Variants in SLC25A21 observed in about 807,000 individuals in gnomAD.
The protein encoded by SLC25A21 is solute carrier family 25 member 21, also known as mitochondrial 2-oxodicarboxylate carrier.
A neutral mutation model predicts 43.8 loss-of-function variants in SLC25A21; 47 were observed. That is an observed-to-expected ratio of 1.07 (90% CI 0.85 to 1.37). The LOEUF (loss-of-function observed/expected upper bound fraction) is 1.37. Among genes scored for constraint, SLC25A21 ranks in the 40% most tolerant of loss-of-function variants. SLC25A21 has a pLI of 0.00. For missense variants in SLC25A21, 352 were observed against 350.2 expected (o/e 1.00, Z -0.04); for synonymous variants, 131 against 121.3 (o/e 1.08, Z -0.52).
chr14:36,723,187 A>G (rs1313758784), intron 6 of SLC25A21, among the ~76,000 whole-genome samples: 2 of 152,224 alleles, frequency 1.3e-5, no homozygotes, highest in African/African-American at 2.4e-5. Flanking sequence ...CGAATGTTCT[A>G]TTCTTATCAC....
chr14:37,086,284 C>T (rs1962485370), intron 1 of SLC25A21, among the ~76,000 whole-genome samples: 1 of 151,936 alleles, frequency 6.6e-6, no homozygotes, highest in South Asian at 2.1e-4. Flanking sequence ...AGGTCAAATC[C>T]CATTCCCTCC....
chr14:36,790,733 T>C (rs918294710), intron 3 of SLC25A21, among the ~76,000 whole-genome samples: 2 of 152,158 alleles, frequency 1.3e-5, no homozygotes, highest in Non-Finnish European at 1.5e-5. Context: ...GATGAAAGGT[T>C]AGCTGGCACA....
chr14:36,862,382 G>A (rs1030811178), intron 2 of SLC25A21, among the ~76,000 whole-genome samples: 2 of 152,170 alleles, frequency 1.3e-5, no homozygotes, highest in South Asian at 2.1e-4. Flanking sequence ...ATGACAGACT[G>A]GATTAAGCAA....
At chr14:37,018,079 T>TA (rs1262210267) in intron 1 of SLC25A21, among the ~76,000 whole-genome samples, 13 of 150,992 alleles carry the variant, frequency 8.6e-5, no homozygotes, top group East Asian at 1.9e-4. Context: ...TCACTCAACT[T>TA]AAAAAAAAAG....
At chr14:36,811,065 C>T (rs1888245482) in intron 3 of SLC25A21, among the ~76,000 whole-genome samples, 1 of 148,576 alleles carries the variant, frequency 6.7e-6, no homozygotes, top group Non-Finnish European at 1.5e-5. Context: ...CATGGAAAAG[C>T]CCTGAGCATG....
chr14:36,875,982 C>A (rs1449628595), intron 1 of SLC25A21, among the ~76,000 whole-genome samples: 2 of 152,124 alleles, frequency 1.3e-5, no homozygotes, highest in African/African-American at 4.8e-5. Flanking sequence ...ATTTAACATA[C>A]ACGGTCACTG....
intron 1 of SLC25A21, among the ~76,000 whole-genome samples, chr14:37,068,372 G>A (rs1962102184): frequency 2.0e-5 from 3 of 152,192 alleles, no homozygotes; most frequent in African/African-American, 7.2e-5. Context: ...TTCTCTGTGG[G>A]TCAGAGGAAA....
intron 1 of SLC25A21, among the ~76,000 whole-genome samples, chr14:37,065,553 C>A (rs1326507455): frequency 6.6e-6 from 1 of 152,070 alleles, no homozygotes; most frequent in Non-Finnish European, 1.5e-5. Flanking sequence ...AGGGTTACAC[C>A]CTCAGGGAAA....
At chr14:37,170,194 C>T (rs746487649) in intron 1 of SLC25A21, among the ~76,000 whole-genome samples, 2 of 151,202 alleles carry the variant, frequency 1.3e-5, no homozygotes, top group Non-Finnish European at 3.0e-5. Flanking sequence ...CACCACCAAG[C>T]CCAGCTGATT....
At chr14:37,157,225 G>A (rs774419921) in intron 1 of SLC25A21, among the ~76,000 whole-genome samples, 1 of 152,066 alleles carries the variant, frequency 6.6e-6, no homozygotes, top group Non-Finnish European at 1.5e-5. Context: ...ACTGGGCATG[G>A]TGGTGCATGC....
At chr14:36,836,291 T>C (rs1438502312) in intron 2 of SLC25A21, among the ~76,000 whole-genome samples, 1 of 152,226 alleles carries the variant, frequency 6.6e-6, no homozygotes, top group African/African-American at 2.4e-5. Flanking sequence ...CAGGAAATCA[T>C]TGGCATTTGC....
At chr14:36,716,964 C>T (rs183455116) in intron 6 of SLC25A21, among the ~76,000 whole-genome samples, 9 of 152,286 alleles carry the variant, frequency 5.9e-5, no homozygotes, top group East Asian at 3.9e-4. Context: ...CAATGGAATA[C>T]GGGTGTTGTA....
chr14:36,862,605 T>G lies in SLC25A21; in HGVS notation c.119+12351A>C, dbSNP rs189428481. 3.1e-3 allele frequency among the ~76,000 whole-genome samples: 469 copies of G among 149,770 alleles called. 1 individual carries two copies. Among genetic ancestry groups the G allele is most frequent in the African/African-American group, 0.011 (454 of 40,974 alleles). On this transcript the variant is annotated intron_variant, in intron 2 of 9. Coordinates refer to ENST00000331299, the MANE Select transcript of SLC25A21 (RefSeq NM_030631.4). Reference sequence around the variant, plus strand: ...AGGGGAACAACACACACTGGGGCCTTTCAGGGGCTGTGGGGCTAGGGGAGG... The same window carrying G: ...AGGGGAACAACACACACTGGGGCCTGTCAGGGGCTGTGGGGCTAGGGGAGG...
chr14:36,884,183 T>C (rs1339104449), intron 1 of SLC25A21, among the ~76,000 whole-genome samples: 1 of 152,192 alleles, frequency 6.6e-6, no homozygotes, highest in Non-Finnish European at 1.5e-5. Context: ...TTCTAGTCTC[T>C]ATTCCATGGG....
chr14:36,825,396 T>C (rs1039270465), intron 2 of SLC25A21, among the ~76,000 whole-genome samples: 1 of 152,210 alleles, frequency 6.6e-6, no homozygotes. Context: ...TTAAAAATAA[T>C]TAAAAATCAC....
chr14:36,962,420 T>C lies in SLC25A21; in HGVS notation c.71-87416A>G, dbSNP rs184615827. ...GTTGTACATTTGATCTCTAGATTTG[T>C]TCATCCTACATATCTGCTGTTTTAT... On this transcript the variant is annotated intron_variant, in intron 1 of 9. Coordinates refer to ENST00000331299, the MANE Select transcript of SLC25A21 (RefSeq NM_030631.4). Among the ~76,000 whole-genome samples, 110 of 152,304 alleles carry C rather than the reference T, an allele frequency of 7.2e-4. 1 individual carries two copies. In the East Asian group the frequency reaches 0.014, roughly 20 times the overall value.
At chr14:36,808,050 A>G (rs1594605955) in intron 3 of SLC25A21, among the ~76,000 whole-genome samples, 1 of 152,328 alleles carries the variant, frequency 6.6e-6, no homozygotes, top group Middle Eastern at 3.4e-3. Context: ...GTTACAGAAA[A>G]CAAATCGTGA....
At chr14:36,708,455 T>A (rs994840570) in intron 7 of SLC25A21, among the ~76,000 whole-genome samples, 4 of 152,196 alleles carry the variant, frequency 2.6e-5, no homozygotes, top group African/African-American at 2.4e-5. Flanking sequence ...CATTTTTTTT[T>A]AAAATAAGAT....
chr14:36,941,480 T>G (rs1324499873), intron 1 of SLC25A21, among the ~76,000 whole-genome samples: 2 of 152,068 alleles, frequency 1.3e-5, no homozygotes, highest in Non-Finnish European at 2.9e-5. Context: ...TATATAATTT[T>G]GATATAAATC....
Sources: gnomAD v4.1 joint callset for allele counts (sites outside exome capture counted in the v4.1 genomes callset) on GRCh38, gnomAD v4.1.1 for gene constraint, MANE v1.5 for transcripts, NCBI Gene and HGNC (gene_info 2026-07-23, HGNC 2026-07-21) for gene names.